Variants in SAMD14 observed in about 807,000 individuals in gnomAD.
SAMD14 encodes the protein sterile alpha motif domain-containing protein 14.
In SAMD14, 27 loss-of-function variants were observed where a neutral mutation model predicts 46.2. The ratio of observed to expected loss-of-function variants is 0.58; its 90% CI spans 0.43 to 0.81. The LOEUF (loss-of-function observed/expected upper bound fraction) is 0.81. Among genes scored for constraint, SAMD14 ranks in the 30% least tolerant of loss-of-function variants. The pLI is 0.00. For synonymous variants in SAMD14, 241 were observed against 254.3 expected, an observed-to-expected ratio of 0.95 and a Z score of 0.50; for missense variants, 559 against 582.2, an observed-to-expected ratio of 0.96 and a Z score of 0.41.
At chr17:50,124,771 G>GCGCA (rs71353620) in intron 2 of SAMD14, 146 bp downstream of exon 2, 13,926 of 566,074 alleles carry the variant, frequency 0.025, 105 homozygotes, top group African/African-American at 0.04. Context: ...ACGCGCGCGC[G>GCGCA]CACACACACA....
intron 1 of SAMD14, among the ~76,000 whole-genome samples, chr17:50,128,482 T>TCACACACA (rs34869142): frequency 4.3e-4 from 59 of 135,898 alleles, no homozygotes; most frequent in African/African-American, 1.2e-3. Flanking sequence ...GCACACTCTC[T>TCACACACA]CACACACACA....
At chr17:50,127,374 G>A (rs150564406) in intron 1 of SAMD14, among the ~76,000 whole-genome samples, 5,096 of 152,110 alleles carry the variant, frequency 0.034, 148 homozygotes, top group African/African-American at 0.08. Flanking sequence ...AGGCCGAGGC[G>A]GGCAGATCAC....
At chr17:50,120,429 T>A in intron 2 of SAMD14, among the ~76,000 whole-genome samples, 1 of 152,134 alleles carries the variant, frequency 6.6e-6, no homozygotes, top group Admixed American at 6.6e-5. Context: ...ACTGCCATCA[T>A]CTTTTAGCCT....
At chr17:50,114,506 C>G (rs1911074088) in intron 7 of SAMD14, 200 bp from the exon 8 acceptor site, 14 of 1,491,554 alleles carry the variant, frequency 9.4e-6, no homozygotes, top group Non-Finnish European at 9.1e-6. Flanking sequence ...GAGCAGGCAG[C>G]CATCTGGAGG....
intron 2 of SAMD14, 111 bp downstream of exon 2, chr17:50,124,806 C>CA: frequency 9.7e-7 from 1 of 1,033,546 alleles, no homozygotes; most frequent in East Asian, 2.4e-5. Flanking sequence ...CACACACACA[C>CA]ACTCTGAAGC....
rs773167667 is a variant in SAMD14, at chr17:50,115,576, C to A, written c.810G>T (p.Lys270Asn). 1.3e-6 allele frequency: 2 copies of A among 1,539,964 alleles called. No homozygotes were observed. The highest frequency in any genetic ancestry group is 1.8e-6 in the Non-Finnish European group (2 of 1,140,846). ...SPKHEGFSPK[K>N]SASQESTLSD... Reference sequence around the variant, plus strand: ...GGCATGGACTTACCTGGGAAGCTGACTTCTTAGGGCTGAAGCCCTCGTGTT... The same window carrying A: ...GGCATGGACTTACCTGGGAAGCTGAATTCTTAGGGCTGAAGCCCTCGTGTT... The change falls in exon 7 of 10, where the codon AAG (lysine) becomes AAT (asparagine). Residue 270 changes from lysine (K) to asparagine (N), a missense_variant. Physicochemically the swap from Lys to Asn is moderately conservative, Grantham distance 94 (BLOSUM62 0). Coordinates refer to ENST00000330175, the MANE Select transcript of SAMD14 (RefSeq NM_001257359.2). This position sits in a 1 kb window ranked among gnomAD's most constrained non-coding sequence, Gnocchi z 5.3.
chr17:50,119,998 C>G (rs1461739788), intron 2 of SAMD14, among the ~76,000 whole-genome samples: 2 of 152,180 alleles, frequency 1.3e-5, no homozygotes, highest in African/African-American at 4.8e-5. Flanking sequence ...TTCCTGTTAG[C>G]TCTACTTTCA....
intron 4 of SAMD14, 137 bp from the exon 5 acceptor site, chr17:50,116,227 T>A: frequency 2.9e-6 from 4 of 1,383,576 alleles, no homozygotes; most frequent in Non-Finnish European, 3.8e-6. Flanking sequence ...TAGCTGGGTG[T>A]CCTAGGATAA....
intron 2 of SAMD14, among the ~76,000 whole-genome samples, chr17:50,118,560 C>G (rs1237764831): frequency 6.6e-6 from 1 of 152,222 alleles, no homozygotes; most frequent in Non-Finnish European, 1.5e-5. Flanking sequence ...TGTGATGAAC[C>G]CTCCTGTAGA....
chr17:50,124,807 A>ACACACT (rs1567723184), intron 2 of SAMD14, 110 bp downstream of exon 2: 17 of 1,012,784 alleles, frequency 1.7e-5, no homozygotes, highest in Middle Eastern at 2.4e-4. Context: ...ACACACACAC[A>ACACACT]CTCTGAAGCT....
chr17:50,122,037 T>C (rs1440798367), intron 2 of SAMD14, among the ~76,000 whole-genome samples: 2 of 152,236 alleles, frequency 1.3e-5, no homozygotes, highest in African/African-American at 4.8e-5. Flanking sequence ...TGATGGCGTC[T>C]GTGGGATCAA....
At chr17:50,117,294 C>T in intron 4 of SAMD14, 113 bp downstream of exon 4, 1 of 1,079,450 alleles carries the variant, frequency 9.3e-7, no homozygotes, top group South Asian at 3.7e-5. Context: ...TCTTCACCTC[C>T]CCCAGCCACC....
chr17:50,114,615 G>T, intron 7 of SAMD14: 1 of 615,602 alleles, frequency 1.6e-6, no homozygotes, highest in Non-Finnish European at 2.8e-6. Flanking sequence ...CCCAGGCTGG[G>T]TCAGGTGTCT....
At chr17:50,120,172 G>C (rs763270855) in intron 2 of SAMD14, among the ~76,000 whole-genome samples, 1 of 152,192 alleles carries the variant, frequency 6.6e-6, no homozygotes, top group Non-Finnish European at 1.5e-5. Flanking sequence ...GAGTTCTTGA[G>C]TGCATGATAG....
chr17:50,123,780 A>T (rs1040670628), intron 2 of SAMD14, among the ~76,000 whole-genome samples: 1 of 152,162 alleles, frequency 6.6e-6, no homozygotes, highest in Non-Finnish European at 1.5e-5. Context: ...CTACCTCAGC[A>T]GTGAGGAAAA....
chr17:50,124,765 GCGCGCGCACACACACA>G lies in SAMD14; in HGVS notation c.43+136_43+151del, dbSNP rs1215843660. The G allele has an allele frequency of 1.8e-4, 114 of 634,968 alleles. 2 individuals are homozygous for G. In the Middle Eastern group the frequency reaches 4.8e-3, roughly 27 times the overall value. The allele number at this position is 634,968 out of a possible 1,614,324, so 39.3% of individuals were successfully genotyped here. On this transcript the variant is annotated intron_variant, in intron 2 of 9. Coordinates refer to ENST00000330175, the MANE Select transcript of SAMD14 (RefSeq NM_001257359.2). The stretch of plus-strand genomic sequence containing the variant: ...CCACAATACCTGCACGCGTGCACGC[GCGCGCGCACACACACA>G]CACACACACACACACACACACACAC...
chr17:50,116,080 A>T lies in SAMD14; in HGVS notation c.510T>A (p.Arg170=), dbSNP rs1911186653. ...TGGCGGGCTCAGGAGGACTGGCGTC[A>T]CGGCTGTCATCTTTCCAGGGAGAGA... ...RAEPHSEDDS[R]DASPPEPASP... is the part of the protein sequence containing the mutation. Residue 170 remains arginine, a synonymous_variant, in exon 5 of 10, where the codon CGT becomes CGA. Coordinates refer to ENST00000330175, the MANE Select transcript of SAMD14 (RefSeq NM_001257359.2). 1 of 1,613,486 alleles carries T rather than the reference A, an allele frequency of 6.2e-7. No homozygotes were observed. The highest frequency in any genetic ancestry group is 8.5e-7 in the Non-Finnish European group (1 of 1,179,680).
chr17:50,120,179 A>G (rs561727564), intron 2 of SAMD14, among the ~76,000 whole-genome samples: 19 of 152,294 alleles, frequency 1.2e-4, no homozygotes, highest in Middle Eastern at 3.4e-3. Flanking sequence ...TGAGTGCATG[A>G]TAGACTACAC....
Position 50,111,532 on chromosome 17 carries a change from C to A in SAMD14, c.*1361G>T. 1 of 152,386 alleles carries A rather than the reference C, an allele frequency of 6.6e-6. No homozygotes were observed. The highest frequency in any genetic ancestry group is 1.5e-5 in the Non-Finnish European group (1 of 68,082). 9.4% of individuals were successfully genotyped at this position (152,386 alleles called of 1,614,324 possible). A position where few individuals can be genotyped will look rare whatever the true frequency, so the allele number is the denominator to read the frequency against. ...ACAGATAGCAGAGGGGGGATAAGGGCTGAGTCCCAGGTACAGGGTGCTGGC... is the reference window on the plus strand; with the variant it reads ...ACAGATAGCAGAGGGGGGATAAGGGATGAGTCCCAGGTACAGGGTGCTGGC... On this transcript the variant is annotated 3_prime_UTR_variant, in exon 10 of 10. Coordinates refer to ENST00000330175, the MANE Select transcript of SAMD14 (RefSeq NM_001257359.2).
Sources: gnomAD v4.1 joint callset for allele counts (sites outside exome capture counted in the v4.1 genomes callset) on GRCh38, gnomAD v4.1.1 for gene constraint, Gnocchi (gnomAD v3.1) non-coding constraint, MANE v1.5 for transcripts, NCBI Gene and HGNC (gene_info 2026-07-23, HGNC 2026-07-21) for gene names.